EHBP1: variants seen among roughly 807,000 people sequenced by gnomAD.
EHBP1 encodes the protein EH domain-binding protein 1.
In EHBP1, 55 loss-of-function variants were observed where a neutral mutation model predicts 144.0. That is an observed-to-expected ratio of 0.38 (90% confidence interval 0.31 to 0.48). The LOEUF (loss-of-function observed/expected upper bound fraction) is 0.48. EHBP1 is among the 20% of genes least tolerant of loss of function. The pLI, the probability that EHBP1 is intolerant of heterozygous loss-of-function variation, is 0.98. For synonymous variants in EHBP1, 469 were observed against 472.7 expected, an observed-to-expected ratio of 0.99 and a Z score of 0.10; for missense variants, 1,200 against 1,364.2, an observed-to-expected ratio of 0.88 and a Z score of 1.90.
intron 5 of EHBP1, among the ~76,000 whole-genome samples, chr2:62,776,376 A>G (rs1320206206): frequency 1.3e-5 from 2 of 152,212 alleles, no homozygotes; most frequent in Admixed American, 6.5e-5. Flanking sequence ...TGGTATTAAT[A>G]TCTACTCCAC....
At chr2:62,878,386 A>G (rs1369984838) in intron 10 of EHBP1, among the ~76,000 whole-genome samples, 1 of 152,198 alleles carries the variant, frequency 6.6e-6, no homozygotes, top group Non-Finnish European at 1.5e-5. Context: ...TACCAGACAT[A>G]TAAAGAAGAG....
intron 19 of EHBP1, among the ~76,000 whole-genome samples, chr2:63,003,236 C>T (rs1337121786): frequency 6.6e-6 from 1 of 151,732 alleles, no homozygotes; most frequent in Non-Finnish European, 1.5e-5. Context: ...CAATGGTAAA[C>T]GTAATTGAAT....
chr2:62,815,516 G>A (rs1293837650), intron 5 of EHBP1, among the ~76,000 whole-genome samples: 1 of 152,190 alleles, frequency 6.6e-6, no homozygotes, highest in East Asian at 1.9e-4. Context: ...TTGCAAAGGA[G>A]AAAGTTTTTC....
At chr2:62,797,834 A>G (rs1219602536) in intron 5 of EHBP1, among the ~76,000 whole-genome samples, 1 of 152,216 alleles carries the variant, frequency 6.6e-6, no homozygotes, top group Non-Finnish European at 1.5e-5. Context: ...TTCCTTCTTC[A>G]TCTGTAAACA....
intron 5 of EHBP1, among the ~76,000 whole-genome samples, chr2:62,797,924 A>G (rs2043661121): frequency 6.6e-6 from 1 of 152,250 alleles, no homozygotes; most frequent in Admixed American, 6.5e-5. Flanking sequence ...CTAGGTAACT[A>G]AACAAATGAT....
intron 1 of EHBP1, among the ~76,000 whole-genome samples, chr2:62,693,690 C>A (rs1284335155): frequency 6.6e-6 from 1 of 152,118 alleles, no homozygotes; most frequent in Non-Finnish European, 1.5e-5. Flanking sequence ...TATAGTCACC[C>A]TACTGTGCTA....
At chr2:62,983,697 A>G (rs553060640) in intron 15 of EHBP1, among the ~76,000 whole-genome samples, 49 of 152,156 alleles carry the variant, frequency 3.2e-4, no homozygotes, top group Middle Eastern at 6.8e-3. Context: ...CCCGGCCACC[A>G]TGCCCAGCTA....
intron 13 of EHBP1, among the ~76,000 whole-genome samples, chr2:62,954,257 G>A (rs922739405): frequency 6.6e-6 from 1 of 152,008 alleles, no homozygotes; most frequent in Non-Finnish European, 1.5e-5. Context: ...AGTGGGAGAG[G>A]GATTAACAGC....
At chr2:62,781,385 A>G (rs1277828296) in intron 5 of EHBP1, among the ~76,000 whole-genome samples, 1 of 152,176 alleles carries the variant, frequency 6.6e-6, no homozygotes, top group Non-Finnish European at 1.5e-5. Context: ...CCTTACCCAA[A>G]ATGAAGCTAT....
intron 12 of EHBP1, 100 bp from the exon 13 acceptor site, chr2:62,948,160 A>G: frequency 1.9e-6 from 2 of 1,064,814 alleles, no homozygotes; most frequent in Non-Finnish European, 2.5e-6. Context: ...TAATGTCGAT[A>G]ACATGTACCC....
At chr2:62,695,618 CT>C (rs1190904502) in intron 1 of EHBP1, among the ~76,000 whole-genome samples, 1 of 152,138 alleles carries the variant, frequency 6.6e-6, no homozygotes, top group East Asian at 1.9e-4. Context: ...AGATGGAAAG[CT>C]TTTAGATAGC....
chr2:62,706,332 C>A (rs1167184347), intron 1 of EHBP1: 1 of 152,424 alleles, frequency 6.6e-6, no homozygotes, highest in Non-Finnish European at 1.5e-5. Flanking sequence ...CGGTTGGCAG[C>A]GAAGGAGCCC....
At chr2:62,830,000 A>G (rs2046684296) in intron 6 of EHBP1, among the ~76,000 whole-genome samples, 1 of 151,118 alleles carries the variant, frequency 6.6e-6, no homozygotes, top group Non-Finnish European at 1.5e-5. Flanking sequence ...GTATCTACCC[A>G]GAAAAAAATA....
chr2:62,767,570 C>T (rs1430224335), intron 4 of EHBP1, among the ~76,000 whole-genome samples: 1 of 151,780 alleles, frequency 6.6e-6, no homozygotes, highest in Non-Finnish European at 1.5e-5. Flanking sequence ...TGCAGTGGCT[C>T]ACTCCTGTAA....
intron 5 of EHBP1, among the ~76,000 whole-genome samples, chr2:62,808,218 C>CTT (rs59599464): frequency 7.2e-6 from 1 of 138,158 alleles, no homozygotes; most frequent in African/African-American, 2.6e-5. Context: ...TCTTCTGTTC[C>CTT]TTTTTTTTTT....
intron 5 of EHBP1, among the ~76,000 whole-genome samples, chr2:62,800,014 C>T (rs1264448822): frequency 6.6e-6 from 1 of 152,174 alleles, no homozygotes; most frequent in East Asian, 1.9e-4. Context: ...GTTTCGTCAC[C>T]TAAAGGTGAA....
chr2:62,733,962 G>A (rs2037862001), intron 2 of EHBP1, among the ~76,000 whole-genome samples: 1 of 152,136 alleles, frequency 6.6e-6, no homozygotes, highest in African/African-American at 2.4e-5. Flanking sequence ...TCCAGTTTTG[G>A]GGGTAGTGAT....
chr2:62,999,073 A>G (rs915362304), intron 19 of EHBP1, among the ~76,000 whole-genome samples: 4 of 152,128 alleles, frequency 2.6e-5, no homozygotes, highest in African/African-American at 9.7e-5. Flanking sequence ...TTCTCAGCCT[A>G]GAATTAAGCA....
chr2:62,739,935 GAAAAAAA>G (rs66665657), intron 2 of EHBP1, among the ~76,000 whole-genome samples: 14 of 97,122 alleles, frequency 1.4e-4, no homozygotes, highest in Non-Finnish European at 2.8e-4. Context: ...GCCTGTCTCA[GAAAAAAA>G]AAAAAAAAAA....
Sources: gnomAD v4.1 joint callset for allele counts (sites outside exome capture counted in the v4.1 genomes callset) on GRCh38, gnomAD v4.1.1 for gene constraint, MANE v1.5 for transcripts, NCBI Gene and HGNC (gene_info 2026-07-23, HGNC 2026-07-21) for gene names.